The following CPQ variants were observed in gnomAD, a reference collection of about 807,000 sequenced individuals.
CPQ encodes the protein carboxypeptidase Q, also known as Ser-Met dipeptidase.
In CPQ, 37 loss-of-function variants were observed where a neutral mutation model predicts 45.7. The ratio of observed to expected loss-of-function variants is 0.81; its 90% confidence interval spans 0.62 to 1.07. CPQ has a LOEUF of 1.07. Ranked by LOEUF, CPQ falls within the 50% of genes least tolerant of loss-of-function variation. CPQ has a pLI of 0.00. For synonymous variants in CPQ, 186 were observed against 205.8 expected (o/e 0.90, Z 0.82); for missense variants, 537 against 572.9 (o/e 0.94, Z 0.64).
intron 5 of CPQ, among the ~76,000 whole-genome samples, chr8:97,014,059 G>C (rs1035548216): frequency 6.6e-6 from 1 of 152,296 alleles, no homozygotes; most frequent in East Asian, 1.9e-4. Context: ...GATGATTAAA[G>C]GTTTTCATGC....
chr8:96,652,098 A>G (rs1272503906), intron 1 of CPQ, among the ~76,000 whole-genome samples: 1 of 152,192 alleles, frequency 6.6e-6, no homozygotes, highest in Non-Finnish European at 1.5e-5. Flanking sequence ...GTTTAATTGA[A>G]ACTTTGAACC....
Position 97,077,369 on chromosome 8 carries a change from G to A in CPQ, c.1255+11159G>A, listed in dbSNP as rs190264802. ...GCTCACATAGAGGTGATTAGCATCCGCAGCATTTTACCAGATACTGGCAAC... is the reference window on the plus strand; with the variant it reads ...GCTCACATAGAGGTGATTAGCATCCACAGCATTTTACCAGATACTGGCAAC... On this transcript the variant is annotated intron_variant, in intron 7 of 7. Coordinates refer to ENST00000220763, the MANE Select transcript of CPQ (RefSeq NM_016134.4). Among the ~76,000 whole-genome samples, 30 of 152,242 alleles carry A rather than the reference G, an allele frequency of 2.0e-4. 1 individual carries two copies. In the East Asian group the frequency reaches 3.7e-3, roughly 19 times the overall value.
intron 7 of CPQ, among the ~76,000 whole-genome samples, chr8:97,109,892 C>G (rs887669928): frequency 1.3e-5 from 2 of 152,080 alleles, no homozygotes; most frequent in Non-Finnish European, 2.9e-5. Flanking sequence ...GCCTTCCCCC[C>G]AAAAAATTCT....
chr8:96,910,524 A>G lies in CPQ; in HGVS notation c.849+30519A>G, dbSNP rs183420394. ...AATCTTTTTTTTCTCTCTCTCTTTG[A>G]GACGGAGTCTCACTCTGTCGCCCAG... On this transcript the variant is annotated intron_variant, in intron 4 of 7. Transcript: ENST00000220763. 3.1e-3 allele frequency among the ~76,000 whole-genome samples: 469 copies of G among 152,206 alleles called. 4 individuals are homozygous for G. The highest frequency in any genetic ancestry group is 0.02 in the South Asian group (98 of 4,816).
chr8:97,000,560 C>A (rs1809260848), intron 5 of CPQ, among the ~76,000 whole-genome samples: 1 of 151,936 alleles, frequency 6.6e-6, no homozygotes, highest in South Asian at 2.1e-4. Context: ...AGGTGCATGG[C>A]CTTATTTCTG....
At chr8:96,824,251 T>C (rs1319460575) in intron 2 of CPQ, among the ~76,000 whole-genome samples, 1 of 152,056 alleles carries the variant, frequency 6.6e-6, no homozygotes, top group Non-Finnish European at 1.5e-5. Context: ...AACCACACTA[T>C]GTGACCTAGG....
At chr8:96,753,298 G>C (rs571378929) in intron 1 of CPQ, among the ~76,000 whole-genome samples, 7 of 152,100 alleles carry the variant, frequency 4.6e-5, no homozygotes, top group African/African-American at 1.7e-4. Context: ...ACACTATTTT[G>C]TATGTGTTAT....
At chr8:96,772,215 A>G (rs1342329087) in intron 1 of CPQ, among the ~76,000 whole-genome samples, 2 of 152,070 alleles carry the variant, frequency 1.3e-5, no homozygotes, top group Non-Finnish European at 2.9e-5. Flanking sequence ...GATAACTGAA[A>G]CCAAGGTGGA....
intron 1 of CPQ, among the ~76,000 whole-genome samples, chr8:96,770,700 T>TCA (rs1810531191): frequency 6.8e-6 from 1 of 147,252 alleles, no homozygotes; most frequent in African/African-American, 2.5e-5. Flanking sequence ...GAGTGTTATT[T>TCA]TATATATATA....
intron 4 of CPQ, among the ~76,000 whole-genome samples, chr8:96,952,433 T>C (rs889229125): frequency 1.3e-5 from 2 of 152,126 alleles, no homozygotes; most frequent in Non-Finnish European, 2.9e-5. Flanking sequence ...CTAATGTCTG[T>C]AGCTCTATGC....
chr8:97,078,793 CT>C (rs1190463539), intron 7 of CPQ, among the ~76,000 whole-genome samples: 5 of 150,426 alleles, frequency 3.3e-5, no homozygotes, highest in African/African-American at 1.2e-4. Flanking sequence ...CTCTCTCTCT[CT>C]CTCTCTCTCT....
rs573499475 is a variant in CPQ, at chr8:96,861,198, C to A, written c.642-18600C>A. 5.9e-5 allele frequency among the ~76,000 whole-genome samples: 9 copies of A among 152,188 alleles called. No individual in the cohort carries two copies. In the East Asian group the frequency reaches 1.7e-3, roughly 29 times the overall value. On this transcript the variant is annotated intron_variant, in intron 3 of 7. Coordinates refer to ENST00000220763, the MANE Select transcript of CPQ (RefSeq NM_016134.4). ...GATTGTACTTCTAAGCCAGCATGAG[C>A]ATTTTAGAATATAAGAAATAGAAAC...
intron 3 of CPQ, among the ~76,000 whole-genome samples, chr8:96,867,906 G>A (rs1812016281): frequency 6.6e-6 from 1 of 151,924 alleles, no homozygotes; most frequent in Admixed American, 6.6e-5. Context: ...AGTCACTCTT[G>A]GCTCACTATG....
intron 5 of CPQ, among the ~76,000 whole-genome samples, chr8:96,994,833 A>G (rs968338434): frequency 3.3e-5 from 5 of 152,050 alleles, no homozygotes; most frequent in African/African-American, 1.2e-4. Flanking sequence ...TATTAATAAC[A>G]TGATAAAAAT....
rs926744053 is a variant in CPQ at position 96,756,529 on chromosome 8, A to G, written c.-34-28335A>G. 2.0e-5 allele frequency among the ~76,000 whole-genome samples: 3 copies of G among 152,144 alleles called. No individual in the cohort carries two copies. The East Asian group carries it at 5.8e-4, about 29-fold the overall frequency. On this transcript the variant is annotated intron_variant, in intron 1 of 7. Transcript: ENST00000220763. Reference sequence around the variant, plus strand: ...ATTTCATGTTTGAGGAATATTGGGTATGTAGAGAAAGCAATGCAACTCAAC... The same window carrying G: ...ATTTCATGTTTGAGGAATATTGGGTGTGTAGAGAAAGCAATGCAACTCAAC...
intron 2 of CPQ, among the ~76,000 whole-genome samples, chr8:96,815,470 C>T (rs1811215518): frequency 6.6e-6 from 1 of 151,618 alleles, no homozygotes; most frequent in Non-Finnish European, 1.5e-5. Flanking sequence ...CTATTAAGGT[C>T]AGACCTGAGG....
At chr8:96,828,098 C>T (rs145816083) in intron 2 of CPQ, among the ~76,000 whole-genome samples, 1 of 152,118 alleles carries the variant, frequency 6.6e-6, no homozygotes, top group East Asian at 1.9e-4. Context: ...AACAGTGTGT[C>T]ATCATGCTGT....
At chr8:97,116,830 A>G (rs1350697479) in intron 7 of CPQ, among the ~76,000 whole-genome samples, 3 of 152,338 alleles carry the variant, frequency 2.0e-5, no homozygotes, top group African/African-American at 7.2e-5. Context: ...ACAGAAAGGT[A>G]GATAATAGGA....
At chr8:96,799,978 A>G (rs1397206840) in intron 2 of CPQ, among the ~76,000 whole-genome samples, 1 of 152,220 alleles carries the variant, frequency 6.6e-6, no homozygotes, top group Non-Finnish European at 1.5e-5. Context: ...AACATGACCT[A>G]AGAAGCATAA....
Sources: allele counts gnomAD v4.1 joint callset (sites outside exome capture counted in the v4.1 genomes callset), GRCh38; gene constraint gnomAD v4.1.1; transcripts MANE v1.5; gene names NCBI Gene and HGNC (gene_info 2026-07-23, HGNC 2026-07-21).